Variants in CENPI observed in about 807,000 individuals in gnomAD.
The protein encoded by CENPI is FSH primary response 1.
CENPI carries 4 observed loss-of-function variants against 60.4 expected under a neutral mutation model. That is an observed-to-expected ratio of 0.07 (90% confidence interval 0.03 to 0.15). The LOEUF is 0.15. Ranked by LOEUF, CENPI falls within the 10% of genes least tolerant of loss-of-function variation. The pLI, the probability that CENPI is intolerant of heterozygous loss-of-function variation, is 1.00. For missense variants in CENPI, 444 were observed against 534.5 expected, an observed-to-expected ratio of 0.83 and a Z score of 1.67; for synonymous variants, 157 against 189.4, an observed-to-expected ratio of 0.83 and a Z score of 1.40.
intron 4 of CENPI, among the ~76,000 whole-genome samples, chrX:101,109,206 G>C (rs919113867): frequency 1.2e-4 from 12 of 103,326 alleles, no homozygotes; most frequent in Non-Finnish European, 5.9e-5. Flanking sequence ...TCAGCCTCCC[G>C]AGTAGCTGGG....
chrX:101,109,237 C>T (rs908919996), intron 4 of CENPI, among the ~76,000 whole-genome samples: 3 of 108,340 alleles, frequency 2.8e-5, no homozygotes, highest in Admixed American at 1.0e-4. Flanking sequence ...TGCTCCACCA[C>T]GCCCAGCTAA....
At chrX:101,140,120 G>C (rs747111087) in intron 15 of CENPI, among the ~76,000 whole-genome samples, 17 of 112,271 alleles carry the variant, frequency 1.5e-4, no homozygotes, top group Non-Finnish European at 2.8e-4. Flanking sequence ...ACAGGCGTGA[G>C]CCACCGCACC....
At chrX:101,114,726 G>T (rs944012838) in intron 6 of CENPI, among the ~76,000 whole-genome samples, 4 of 107,965 alleles carry the variant, frequency 3.7e-5, no homozygotes, top group Non-Finnish European at 5.8e-5. Flanking sequence ...TGCAACCTCC[G>T]CCTCCCAGGT....
rs745921164 is a variant in CENPI at position 101,132,461 on chromosome X, C to T, written c.1470+5C>T. On this transcript the variant is annotated splice_donor_5th_base_variant and intron_variant, in intron 15 of 21. Transcript: ENST00000682095. The stretch of plus-strand genomic sequence containing the variant: ...ACATCAACCATTTATTTCAAGGTAA[C>T]AAAAACTTGTCTTGCTTAGATTCAA... 18 of 1,194,318 alleles carry T rather than the reference C, an allele frequency of 1.5e-5. No homozygotes were observed. Among genetic ancestry groups the T allele is most frequent in the Non-Finnish European group, 1.1e-6 (1 of 882,201 alleles).
intron 8 of CENPI, among the ~76,000 whole-genome samples, chrX:101,124,090 AGTGTGTGT>A (rs397842781): frequency 0.15 from 13,412 of 87,995 alleles, 811 homozygotes; most frequent in Middle Eastern, 0.19. Context: ...TATAGAATCA[AGTGTGTGT>A]GTGTGTGTGT....
chrX:101,132,490 G>T, intron 15 of CENPI, 34 bp downstream of exon 15: 1 of 1,065,511 alleles, frequency 9.4e-7, no homozygotes, highest in South Asian at 1.9e-5. Context: ...GATTCAATAG[G>T]ATGTATTATT....
intron 2 of CENPI, chrX:101,099,839 G>A (rs1299516727): frequency 1.0e-5 from 1 of 100,397 alleles, no homozygotes; most frequent in East Asian, 3.1e-4. Flanking sequence ...CCAGGCTGGA[G>A]TGCAGTGGCG....
At chrX:101,117,360 C>T (rs1351795402) in intron 6 of CENPI, among the ~76,000 whole-genome samples, 1 of 111,417 alleles carries the variant, frequency 9.0e-6, no homozygotes, top group Non-Finnish European at 1.9e-5. Context: ...ACCACCATGC[C>T]TGGCTAATTT....
intron 20 of CENPI, among the ~76,000 whole-genome samples, chrX:101,154,949 T>C (rs1323545538): frequency 8.9e-6 from 1 of 111,743 alleles, no homozygotes; most frequent in African/African-American, 3.2e-5. Context: ...TTTATTAGTT[T>C]TTATAGCTTT....
intron 18 of CENPI, among the ~76,000 whole-genome samples, chrX:101,146,573 G>A (rs1365615399): frequency 1.8e-5 from 2 of 111,842 alleles, no homozygotes; most frequent in East Asian, 2.8e-4. Flanking sequence ...GGAAAAATTA[G>A]TCATTTGGTG....
chrX:101,116,759 ACT>A (rs903189116), intron 6 of CENPI, among the ~76,000 whole-genome samples: 1 of 110,722 alleles, frequency 9.0e-6, no homozygotes, highest in Non-Finnish European at 1.9e-5. Flanking sequence ...GAATCGCCAA[ACT>A]CTTTTCCACA....
chrX:101,169,007 A>G (rs1312705120), downstream of CENPI, among the ~76,000 whole-genome samples: 1 of 112,356 alleles, frequency 8.9e-6, no homozygotes, highest in Non-Finnish European at 1.9e-5. Flanking sequence ...TATTATAAGT[A>G]TCTTCAAAGA....
intron 16 of CENPI, among the ~76,000 whole-genome samples, chrX:101,143,506 G>A (rs5967253): frequency 0.036 from 3,992 of 111,383 alleles, 217 homozygotes; most frequent in African/African-American, 0.13. Context: ...GGGTTGAATT[G>A]AATTCAAGTG....
intron 16 of CENPI, among the ~76,000 whole-genome samples, chrX:101,144,569 G>T (rs2089946984): frequency 9.2e-6 from 1 of 108,900 alleles, no homozygotes; most frequent in South Asian, 4.0e-4. Context: ...TTTTTGTAAA[G>T]ACGGGCTTTT....
At chrX:101,151,410 T>TA (rs771025392) in intron 20 of CENPI, among the ~76,000 whole-genome samples, 8 of 111,861 alleles carry the variant, frequency 7.2e-5, no homozygotes, top group Non-Finnish European at 1.3e-4. Flanking sequence ...GTATTAGACT[T>TA]ACTTCTTTGG....
intron 6 of CENPI, 21 bp from the exon 7 acceptor site, chrX:101,120,379 AAT>A (rs2089664840): frequency 8.0e-6 from 6 of 749,034 alleles, no homozygotes; most frequent in Non-Finnish European, 1.2e-5. Context: ...CATTTCTCTT[AAT>A]ATTTTTTTAT....
intron 6 of CENPI, among the ~76,000 whole-genome samples, chrX:101,116,546 A>T (rs1302151030): frequency 9.0e-6 from 1 of 111,596 alleles, no homozygotes; most frequent in Non-Finnish European, 1.9e-5. Context: ...ATAACAAGGG[A>T]TGACTATATC....
At position 101,124,534 on chromosome X, in the gene CENPI, A is replaced by G. The variant is rs370230564; in HGVS notation, c.688-2175A>G. Among the ~76,000 whole-genome samples the G allele has an allele frequency of 5.1e-4, 57 of 111,653 alleles. No homozygotes were observed. In the Middle Eastern group the frequency reaches 0.014, roughly 27 times the overall value. On this transcript the variant is annotated intron_variant, in intron 8 of 21. Transcript: ENST00000682095. The stretch of plus-strand genomic sequence containing the variant: ...TGTGGACCAGCCAAATCAACACTTA[A>G]AATTAACCATCTGATATGGTTTGGC...
intron 20 of CENPI, among the ~76,000 whole-genome samples, chrX:101,158,851 G>T (rs1334494074): frequency 3.6e-5 from 4 of 110,679 alleles, no homozygotes; most frequent in African/African-American, 6.6e-5. Flanking sequence ...GGCGGGTCTT[G>T]AACTCCTGAC....
Sources: allele counts gnomAD v4.1 joint callset (sites outside exome capture counted in the v4.1 genomes callset), GRCh38; gene constraint gnomAD v4.1.1; transcripts MANE v1.5; gene names NCBI Gene and HGNC (gene_info 2026-07-23, HGNC 2026-07-21).